Variants in HRH1 observed in about 807,000 individuals in gnomAD.
HRH1 encodes histamine H1 receptor.
HRH1 carries 6 observed loss-of-function variants against 10.3 expected under a neutral mutation model. That is an observed-to-expected ratio of 0.58 (90% confidence interval 0.32 to 1.15). HRH1 has a LOEUF of 1.15. Among genes scored for constraint, HRH1 ranks in the 50% most tolerant of loss-of-function variants. HRH1 has a pLI of 0.05. For synonymous variants in HRH1, 242 were observed against 236.7 expected, an observed-to-expected ratio of 1.02 and a Z score of -0.21; for missense variants, 514 against 615.3, an observed-to-expected ratio of 0.84 and a Z score of 1.74.
intron 1 of HRH1, among the ~76,000 whole-genome samples, chr3:11,169,244 A>T (rs543980335): frequency 6.6e-6 from 1 of 152,220 alleles, no homozygotes; most frequent in South Asian, 2.1e-4. Context: ...AAGGGAGGTG[A>T]CGGATGTAGC....
chr3:11,219,755 T>C (rs1034214395), intron 1 of HRH1, among the ~76,000 whole-genome samples: 1 of 149,900 alleles, frequency 6.7e-6, no homozygotes, highest in Non-Finnish European at 1.5e-5. Context: ...TTTAATTTAA[T>C]GTGTAACAAT....
At chr3:11,197,682 G>A (rs1452293764) in intron 1 of HRH1, among the ~76,000 whole-genome samples, 31 of 152,120 alleles carry the variant, frequency 2.0e-4, no homozygotes, top group Non-Finnish European at 8.8e-5. Context: ...GGTCATCGCT[G>A]TAAACATGCC....
At chr3:11,232,841 C>T (rs568374247) in intron 1 of HRH1, among the ~76,000 whole-genome samples, 3 of 152,296 alleles carry the variant, frequency 2.0e-5, no homozygotes, top group Admixed American at 6.5e-5. Flanking sequence ...TGTACAAGTT[C>T]GTCTGAGAAT....
chr3:11,226,100 G>A (rs1039121707), intron 1 of HRH1: 1 of 152,628 alleles, frequency 6.6e-6, no homozygotes, highest in Non-Finnish European at 1.5e-5. Flanking sequence ...GGGGAGAGTG[G>A]AGAATCAGAG....
At chr3:11,246,652 G>C (rs1939498253) in intron 1 of HRH1, among the ~76,000 whole-genome samples, 1 of 152,150 alleles carries the variant, frequency 6.6e-6, no homozygotes, top group African/African-American at 2.4e-5. Flanking sequence ...ACCCCTAAAT[G>C]TTTAAAATGC....
intron 1 of HRH1, among the ~76,000 whole-genome samples, chr3:11,170,661 A>G (rs1937134460): frequency 6.6e-6 from 1 of 152,232 alleles, no homozygotes; most frequent in Non-Finnish European, 1.5e-5. Context: ...GATCGGTATC[A>G]TAGTCAGATG....
intron 1 of HRH1, among the ~76,000 whole-genome samples, chr3:11,159,780 T>C (rs1273714092): frequency 1.3e-5 from 2 of 152,234 alleles, no homozygotes; most frequent in Non-Finnish European, 2.9e-5. Flanking sequence ...TTGTTCTTCC[T>C]TGAGTGTTCA....
At position 11,148,025 on chromosome 3, in the gene HRH1, C is replaced by A. The variant is rs1378157996; in HGVS notation, c.-36+10626C>A. On this transcript the variant is annotated intron_variant, in intron 1 of 1. Coordinates refer to the HRH1 transcript ENST00000438284. ...TGAAACTCTGTCTCTACTAAAAATACAAAAATTAGCTGGGCATGGTGGTGC... is the reference window on the plus strand; with the variant it reads ...TGAAACTCTGTCTCTACTAAAAATAAAAAAATTAGCTGGGCATGGTGGTGC... Among the ~76,000 whole-genome samples the A allele has an allele frequency of 3.3e-5, 5 of 152,042 alleles. No homozygotes were observed. In the East Asian group the frequency reaches 5.8e-4, roughly 18 times the overall value.
At chr3:11,202,023 G>A (rs1937931855) in intron 1 of HRH1, among the ~76,000 whole-genome samples, 1 of 152,168 alleles carries the variant, frequency 6.6e-6, no homozygotes. Context: ...TTCAGAGGTG[G>A]GGAAAATGGA....
At chr3:11,157,373 A>G (rs958956308) in intron 1 of HRH1, among the ~76,000 whole-genome samples, 4 of 152,254 alleles carry the variant, frequency 2.6e-5, no homozygotes, top group African/African-American at 9.6e-5. Flanking sequence ...GCCGGGAATT[A>G]GCTATAATTG....
intron 1 of HRH1, among the ~76,000 whole-genome samples, chr3:11,167,184 C>T (rs536705245): frequency 7.3e-3 from 1,078 of 147,086 alleles, no homozygotes; most frequent in South Asian, 0.012. Context: ...CCCCTGGCCT[C>T]TCCAGGCCCG....
rs556298693 is a variant in HRH1, at chr3:11,188,121, G to A, written c.-36+33567G>A. Among the ~76,000 whole-genome samples the A allele has an allele frequency of 7.2e-5, 11 of 152,288 alleles. No homozygotes were observed. The East Asian group carries it at 9.6e-4, about 13-fold the overall frequency. On this transcript the variant is annotated intron_variant, in intron 1 of 1. Coordinates refer to ENST00000431010, the MANE Select transcript of HRH1 (RefSeq NM_001098212.2). ...TAAGTAAATTAAAATTAGGATACAC[G>A]TGAACTATCGTTGTTTAACTTTATC...
chr3:11,225,787 G>A (rs1938863208), intron 1 of HRH1, among the ~76,000 whole-genome samples: 1 of 152,230 alleles, frequency 6.6e-6, no homozygotes, highest in African/African-American at 2.4e-5. Flanking sequence ...CCGGGTTCAG[G>A]CGACTCACAT....
At chr3:11,175,994 C>G (rs558544777) in intron 1 of HRH1, among the ~76,000 whole-genome samples, 28 of 151,302 alleles carry the variant, frequency 1.9e-4, no homozygotes, top group African/African-American at 6.3e-4. Context: ...CCCTGTCTCT[C>G]CAAAAAAAAA....
chr3:11,176,167 T>TAAAAAAA (rs1401589767), intron 1 of HRH1, among the ~76,000 whole-genome samples: 1 of 108,312 alleles, frequency 9.2e-6, no homozygotes, highest in African/African-American at 6.7e-5. Context: ...AGAACCTGTC[T>TAAAAAAA]CAAAAAAAAA....
Position 11,172,762 on chromosome 3 carries a change from G to GC in HRH1, c.-36+18208_-36+18209insC, listed in dbSNP as rs550473672. On this transcript the variant is annotated intron_variant, in intron 1 of 1. Transcript: ENST00000431010. ...CTGTCCCCCAGGCTGAAGTGCAGTA[G>GC]GCGATCTCGGCTCACTGCAAGCTCC... 3.5e-4 allele frequency among the ~76,000 whole-genome samples: 52 copies of GC among 147,650 alleles called. No homozygotes were observed. In the East Asian group the frequency reaches 7.3e-3, roughly 21 times the overall value.
chr3:11,244,683 G>A (rs1939434017), intron 1 of HRH1, among the ~76,000 whole-genome samples: 1 of 152,252 alleles, frequency 6.6e-6, no homozygotes, highest in South Asian at 2.1e-4. Context: ...ATCAGATCCA[G>A]GTTGCCTCTT....
intron 1 of HRH1, among the ~76,000 whole-genome samples, chr3:11,198,195 C>T (rs747388151): frequency 1.4e-4 from 22 of 152,164 alleles, no homozygotes; most frequent in Non-Finnish European, 2.4e-4. Flanking sequence ...TGTGTCCTGT[C>T]CTGGGACATC....
intron 1 of HRH1, among the ~76,000 whole-genome samples, chr3:11,179,494 C>A (rs1232040252): frequency 6.6e-6 from 1 of 151,226 alleles, no homozygotes; most frequent in Non-Finnish European, 1.5e-5. Context: ...GTGGCGGGCG[C>A]CTGTAGTCCC....
Sources: gnomAD v4.1 joint callset for allele counts (sites outside exome capture counted in the v4.1 genomes callset) on GRCh38, gnomAD v4.1.1 for gene constraint, MANE v1.5 for transcripts, NCBI Gene and HGNC (gene_info 2026-07-23, HGNC 2026-07-21) for gene names.